Variants in ME3 observed in about 807,000 individuals in gnomAD.
ME3 encodes the protein NADP-dependent malic enzyme, mitochondrial.
In ME3, 48 loss-of-function variants were observed where a neutral mutation model predicts 68.9. That is an observed-to-expected ratio of 0.70 (90% confidence interval 0.55 to 0.89). The LOEUF (loss-of-function observed/expected upper bound fraction) is 0.89. ME3 is among the 40% of genes least tolerant of loss of function. The pLI is 0.00. For synonymous variants in ME3, 320 were observed against 318.8 expected, an observed-to-expected ratio of 1.00 and a Z score of -0.04; for missense variants, 675 against 797.4, an observed-to-expected ratio of 0.85 and a Z score of 1.85.
At chr11:86,610,669 G>A (rs1026395054) in intron 2 of ME3, among the ~76,000 whole-genome samples, 1 of 151,026 alleles carries the variant, frequency 6.6e-6, no homozygotes, top group Non-Finnish European at 1.5e-5. Flanking sequence ...GTGGGGTTGG[G>A]GGGTGGCTCT....
chr11:86,588,337 T>C (rs1251485202), intron 2 of ME3, among the ~76,000 whole-genome samples: 1 of 152,208 alleles, frequency 6.6e-6, no homozygotes, highest in Non-Finnish European at 1.5e-5. Context: ...AACAATAATA[T>C]AACAAGTAAT....
intron 2 of ME3, among the ~76,000 whole-genome samples, chr11:86,597,968 C>G (rs1486770299): frequency 6.6e-6 from 1 of 152,038 alleles, no homozygotes. Flanking sequence ...TAGGGAGGAG[C>G]CAAGATGGCC....
Position 86,508,867 on chromosome 11 carries a change from A to G in ME3, c.468T>C (p.Arg156=), listed in dbSNP as rs759999798. ...TGTCATGAATGGTGATGAACAGTCC[A>G]CTAAAAGAAATAAAACACGTACACA... Residue 156 remains arginine, a splice_region_variant and synonymous_variant, in exon 5 of 15, where the codon CGT becomes CGC. Coordinates refer to ENST00000543262, the Ensembl canonical transcript of ME3. 5 of 1,611,998 alleles carry G rather than the reference A, an allele frequency of 3.1e-6. No individual in the cohort carries two copies. Among genetic ancestry groups the G allele is most frequent in the East Asian group, 2.2e-5 (1 of 44,878 alleles).
rs1278473809 is a variant in ME3, at chr11:86,600,736, A to C, written c.184-40913T>G. Among the ~76,000 whole-genome samples the C allele has an allele frequency of 4.6e-5, 7 of 151,902 alleles. No homozygotes were observed. The East Asian group carries it at 5.8e-4, about 13-fold the overall frequency. The stretch of plus-strand genomic sequence containing the variant: ...TCCTCAGCAAATGTAAAAGATCAGA[A>C]ATTATAACAAACTGTCTCTCAGACC... On this transcript the variant is annotated intron_variant, in intron 2 of 14. Coordinates refer to ENST00000543262, the Ensembl canonical transcript of ME3.
intron 4 of ME3, among the ~76,000 whole-genome samples, chr11:86,512,068 C>T (rs1428036667): frequency 6.6e-6 from 1 of 152,134 alleles, no homozygotes; most frequent in Non-Finnish European, 1.5e-5. Flanking sequence ...TAAGCCACTC[C>T]CTCCTCTCAG....
chr11:86,599,316 G>A (rs565880791), intron 2 of ME3, among the ~76,000 whole-genome samples: 1 of 152,336 alleles, frequency 6.6e-6, no homozygotes, highest in African/African-American at 2.4e-5. Context: ...AGAAGCCTCT[G>A]GAGCCGATGC....
At chr11:86,451,197 A>G (rs1340284888) in intron 8 of ME3, among the ~76,000 whole-genome samples, 1 of 152,226 alleles carries the variant, frequency 6.6e-6, no homozygotes, top group African/African-American at 2.4e-5. Context: ...CACTACATTG[A>G]TTCATGAGCA....
At chr11:86,446,351 C>T (rs774907334) in exon 13 of ME3, 13 of 1,614,000 alleles carry the variant, frequency 8.1e-6, no homozygotes, top group African/African-American at 2.7e-5. Flanking sequence ...TGGGATGTGC[C>T]GGATCCCGCC....
At chr11:86,466,065 C>G (rs1434930256) in intron 7 of ME3, among the ~76,000 whole-genome samples, 1 of 152,150 alleles carries the variant, frequency 6.6e-6, no homozygotes, top group African/African-American at 2.4e-5. Context: ...CATGGCCTTC[C>G]CTTAAAAATG....
chr11:86,515,229 C>T (rs991344012), intron 4 of ME3, among the ~76,000 whole-genome samples: 9 of 152,188 alleles, frequency 5.9e-5, no homozygotes, highest in Admixed American at 4.6e-4. Flanking sequence ...ACATGTCACA[C>T]ACAAAAAGGC....
intron 4 of ME3, among the ~76,000 whole-genome samples, chr11:86,552,108 C>G (rs1009202628): frequency 5.3e-5 from 8 of 152,228 alleles, no homozygotes; most frequent in Admixed American, 2.6e-4. Flanking sequence ...AAACAGATCA[C>G]AGCTGCTGAG....
intron 7 of ME3, among the ~76,000 whole-genome samples, chr11:86,470,758 A>G (rs1412039632): frequency 6.6e-6 from 1 of 152,160 alleles, no homozygotes; most frequent in African/African-American, 2.4e-5. Flanking sequence ...ATCTCTCCCC[A>G]GGATTACTGC....
At chr11:86,502,831 T>G (rs1233230093) in intron 5 of ME3, among the ~76,000 whole-genome samples, 2 of 152,098 alleles carry the variant, frequency 1.3e-5, no homozygotes, top group Non-Finnish European at 2.9e-5. Flanking sequence ...CTAAGGCCTT[T>G]TCTGAATTAT....
At chr11:86,640,831 G>A (rs1218321681) in intron 2 of ME3, among the ~76,000 whole-genome samples, 1 of 152,030 alleles carries the variant, frequency 6.6e-6, no homozygotes, top group East Asian at 1.9e-4. Flanking sequence ...CCCCAATTCA[G>A]TGTTTCCCCA....
At chr11:86,617,700 A>C (rs533797714) in intron 2 of ME3, among the ~76,000 whole-genome samples, 3 of 152,334 alleles carry the variant, frequency 2.0e-5, no homozygotes, top group African/African-American at 7.2e-5. Flanking sequence ...TTATTTTAGT[A>C]TGAAAGTCTA....
intron 2 of ME3, among the ~76,000 whole-genome samples, chr11:86,571,347 T>C (rs149308898): frequency 9.2e-5 from 14 of 152,344 alleles, no homozygotes; most frequent in African/African-American, 3.4e-4. Flanking sequence ...TGGAAAGATA[T>C]AGAAGGTTCC....
At position 86,650,962 on chromosome 11, in the gene ME3, C is replaced by T. The variant is rs544761348; in HGVS notation, c.183+20800G>A. Among the ~76,000 whole-genome samples the T allele has an allele frequency of 3.0e-4, 46 of 152,306 alleles. No homozygotes were observed. The South Asian group carries it at 3.5e-3, about 12-fold the overall frequency. ...AGGAGATTGTATCCCTCACCTGGTT[C>T]GGAGGGTCCTACGCCCACAGAGCCT... is the stretch of plus-strand genomic sequence containing the variant. On this transcript the variant is annotated intron_variant, in intron 2 of 14. Transcript: ENST00000543262.
intron 4 of ME3, among the ~76,000 whole-genome samples, chr11:86,541,163 C>T (rs1016908771): frequency 2.6e-5 from 4 of 151,142 alleles, no homozygotes; most frequent in Admixed American, 2.0e-4. Context: ...AGATTCCTTC[C>T]GGTGCCTACA....
In ME3 at chr11:86,598,021, G is replaced by A. The variant is rs866132987; in HGVS notation, c.184-38198C>T. On this transcript the variant is annotated intron_variant, in intron 2 of 14. Coordinates refer to ENST00000543262, the Ensembl canonical transcript of ME3. ...GTCTACAGCTCCCAGCATGAGCCAT[G>A]CAGAAGATGGGTGATTTCTGCATTT... Among the ~76,000 whole-genome samples, 70 of 152,252 alleles carry A rather than the reference G, an allele frequency of 4.6e-4. 1 individual carries two copies. Among genetic ancestry groups the A allele is most frequent in the African/African-American group, 1.5e-3 (62 of 41,568 alleles).
Sources: gnomAD v4.1 joint callset for allele counts (sites outside exome capture counted in the v4.1 genomes callset) on GRCh38, gnomAD v4.1.1 for gene constraint, MANE v1.5 for transcripts, NCBI Gene and HGNC (gene_info 2026-07-23, HGNC 2026-07-21) for gene names.